Variants in NALF1 observed in about 807,000 individuals in gnomAD.
NALF1 encodes NALCN channel auxiliary factor 1, also known as family with sequence similarity 155 member A.
Under a neutral mutation model 48.4 loss-of-function variants are expected in NALF1, and 3 were observed. The observed-to-expected ratio is 0.06, with a 90% CI of 0.03 to 0.16. The LOEUF (loss-of-function observed/expected upper bound fraction) is 0.16, where lower values mean the gene tolerates loss of function less well. Among genes scored for constraint, NALF1 ranks in the 10% least tolerant of loss-of-function variants. The pLI is 1.00. For synonymous variants in NALF1, 262 were observed against 245.7 expected, an observed-to-expected ratio of 1.07 and a Z score of -0.62; for missense variants, 526 against 571.5, an observed-to-expected ratio of 0.92 and a Z score of 0.81.
chr13:107,433,530 CT>C (rs1205614786), intron 1 of NALF1, among the ~76,000 whole-genome samples: 2 of 151,988 alleles, frequency 1.3e-5, no homozygotes, highest in African/African-American at 4.8e-5. Context: ...TTTAAAACTT[CT>C]AACCTGCACA....
intron 1 of NALF1, among the ~76,000 whole-genome samples, chr13:107,269,690 C>T (rs553959798): frequency 2.0e-5 from 3 of 152,208 alleles, no homozygotes; most frequent in South Asian, 2.1e-4. Flanking sequence ...TCATGATCAT[C>T]GTTGGTCTAT....
chr13:107,749,475 T>C (rs1218575512), intron 1 of NALF1, among the ~76,000 whole-genome samples: 1 of 151,726 alleles, frequency 6.6e-6, no homozygotes, highest in African/African-American at 2.4e-5. Flanking sequence ...ACAAAAAAGG[T>C]GAACTTAATT....
At chr13:107,865,469 T>C (rs114569297) in intron 1 of NALF1, among the ~76,000 whole-genome samples, 1,577 of 152,234 alleles carry the variant, frequency 0.01, 30 homozygotes, top group African/African-American at 0.036. Flanking sequence ...TTCCCTGATC[T>C]TCCAAGGACT....
At chr13:107,370,172 A>T (rs1280003504) in intron 1 of NALF1, among the ~76,000 whole-genome samples, 2 of 152,200 alleles carry the variant, frequency 1.3e-5, no homozygotes, top group African/African-American at 4.8e-5. Context: ...TCTGCATTCC[A>T]AATTGCAGTT....
At chr13:107,347,846 T>C (rs1481910275) in intron 1 of NALF1, among the ~76,000 whole-genome samples, 2 of 152,220 alleles carry the variant, frequency 1.3e-5, no homozygotes, top group African/African-American at 4.8e-5. Context: ...TTATTGGTTG[T>C]GCATGAAATG....
chr13:107,662,032 C>T (rs1880745565), intron 1 of NALF1, among the ~76,000 whole-genome samples: 1 of 152,098 alleles, frequency 6.6e-6, no homozygotes, highest in Non-Finnish European at 1.5e-5. Flanking sequence ...ATGAAATCTT[C>T]CTAGATTAAA....
In NALF1 at chr13:107,271,571, C is replaced by CTGTGCT. The variant is rs1594098762; in HGVS notation, c.916-60817_916-60816insAGCACA. Among the ~76,000 whole-genome samples, 3 of 150,066 alleles carry CTGTGCT rather than the reference C, an allele frequency of 2.0e-5. No individual in the cohort carries two copies. The East Asian group carries it at 5.9e-4, about 30-fold the overall frequency. ...CTGAGACCCTGAGCTGAGAACTCAG[C>CTGTGCT]CAGGCTGTGCTCAGGTATTGCAAGA... On this transcript the variant is annotated intron_variant, in intron 1 of 2. Coordinates refer to ENST00000375915, the MANE Select transcript of NALF1 (RefSeq NM_001080396.3).
At chr13:107,373,168 T>C (rs1318281042) in intron 1 of NALF1, among the ~76,000 whole-genome samples, 1 of 152,144 alleles carries the variant, frequency 6.6e-6, no homozygotes, top group Non-Finnish European at 1.5e-5. Flanking sequence ...TCACTAAATG[T>C]TGGGTCCCTG....
chr13:107,253,709 C>G (rs1351866627), intron 1 of NALF1, among the ~76,000 whole-genome samples: 1 of 152,174 alleles, frequency 6.6e-6, no homozygotes, highest in Non-Finnish European at 1.5e-5. Context: ...TCCAGCCACA[C>G]GGGTCTTCTC....
intron 1 of NALF1, among the ~76,000 whole-genome samples, chr13:107,513,277 A>G (rs935076282): frequency 5.9e-5 from 9 of 152,224 alleles, no homozygotes; most frequent in African/African-American, 1.7e-4. Flanking sequence ...ATAATTTATT[A>G]AAATGTGAAT....
At chr13:107,521,419 C>T (rs1876233535) in intron 1 of NALF1, among the ~76,000 whole-genome samples, 1 of 152,162 alleles carries the variant, frequency 6.6e-6, no homozygotes, top group Non-Finnish European at 1.5e-5. Context: ...CCGATCTCTA[C>T]TTAAACTTAG....
At chr13:107,620,581 T>G (rs146232719) in intron 1 of NALF1, among the ~76,000 whole-genome samples, 10 of 152,318 alleles carry the variant, frequency 6.6e-5, no homozygotes, top group African/African-American at 2.4e-4. Flanking sequence ...CCAAAATGAC[T>G]TGGTCCCAGC....
At chr13:107,862,987 A>T (rs187225047) in intron 1 of NALF1, among the ~76,000 whole-genome samples, 33 of 151,506 alleles carry the variant, frequency 2.2e-4, no homozygotes, top group African/African-American at 7.0e-4. Flanking sequence ...TGGTGCTAAC[A>T]TGATTTTATG....
At chr13:107,187,657 A>G in intron 2 of NALF1, among the ~76,000 whole-genome samples, 1 of 152,198 alleles carries the variant, frequency 6.6e-6, no homozygotes, top group Non-Finnish European at 1.5e-5. Flanking sequence ...CGGGCAGCTC[A>G]GATGCCTGCT....
At chr13:107,794,581 C>G (rs777956195) in intron 1 of NALF1, among the ~76,000 whole-genome samples, 41 of 150,130 alleles carry the variant, frequency 2.7e-4, no homozygotes, top group Middle Eastern at 3.2e-3. Context: ...AAAAAAGAAT[C>G]CTATTAACAC....
intron 1 of NALF1, among the ~76,000 whole-genome samples, chr13:107,523,629 G>A (rs991994260): frequency 6.7e-6 from 1 of 149,190 alleles, no homozygotes; most frequent in African/African-American, 2.5e-5. Context: ...AACGGTTGGA[G>A]CAGGAGAGAT....
chr13:107,812,845 G>C (rs1335249111), intron 1 of NALF1, among the ~76,000 whole-genome samples: 1 of 152,070 alleles, frequency 6.6e-6, no homozygotes, highest in Non-Finnish European at 1.5e-5. Flanking sequence ...CTGTCACCTA[G>C]GTTGGCGTGC....
rs1248845412 is a variant in NALF1 at position 107,362,212 on chromosome 13, G to C, written c.916-151457C>G. On this transcript the variant is annotated intron_variant, in intron 1 of 2. Transcript: ENST00000375915. The surrounding 1 kb of genome is among the most constrained non-coding windows in gnomAD (Gnocchi z 4.6). The stretch of plus-strand genomic sequence containing the variant: ...GGTTACCTGATGGTGGGGAAAAACG[G>C]GGTCAGGTGACAGCTTTATGATATT... Among the ~76,000 whole-genome samples, 1 of 152,094 alleles carries C rather than the reference G, an allele frequency of 6.6e-6. No individual in the cohort carries two copies. The highest frequency in any genetic ancestry group is 2.4e-5 in the African/African-American group (1 of 41,408).
chr13:107,830,482 G>A (rs192721996), intron 1 of NALF1, among the ~76,000 whole-genome samples: 113 of 152,244 alleles, frequency 7.4e-4, no homozygotes, highest in Admixed American at 1.6e-3. Flanking sequence ...GAACCTAATG[G>A]CTGGAAAATG....
Sources: gnomAD v4.1 joint callset for allele counts (sites outside exome capture counted in the v4.1 genomes callset) on GRCh38, gnomAD v4.1.1 for gene constraint, Gnocchi (gnomAD v3.1) non-coding constraint, MANE v1.5 for transcripts, NCBI Gene and HGNC (gene_info 2026-07-23, HGNC 2026-07-21) for gene names.